The following NOX4 variants were observed in gnomAD, a reference collection of about 807,000 sequenced individuals.
NOX4 encodes the protein NADPH oxidase 4.
NOX4 carries 69 observed loss-of-function variants against 87.6 expected under a neutral mutation model. That is an observed-to-expected ratio of 0.79 (90% confidence interval 0.65 to 0.96). The LOEUF (loss-of-function observed/expected upper bound fraction) is 0.96, where lower values mean the gene tolerates loss of function less well. NOX4 is among the 40% of genes least tolerant of loss of function. The pLI is 0.00. For missense variants in NOX4, 680 were observed against 681.5 expected, an observed-to-expected ratio of 1.00 and a Z score of 0.02; for synonymous variants, 275 against 238.2, an observed-to-expected ratio of 1.15 and a Z score of -1.42.
At chr11:89,466,511 T>C (rs1185068601) in intron 2 of NOX4, among the ~76,000 whole-genome samples, 1 of 152,200 alleles carries the variant, frequency 6.6e-6, no homozygotes, top group Admixed American at 6.5e-5. Flanking sequence ...GATCACATCC[T>C]TTCACTAAAC....
At chr11:89,482,097 G>C (rs546761817) in intron 2 of NOX4, among the ~76,000 whole-genome samples, 1 of 152,094 alleles carries the variant, frequency 6.6e-6, no homozygotes, top group East Asian at 1.9e-4. Context: ...GGGAATAAAG[G>C]GTTGTGTAAG....
intron 1 of NOX4, 76 bp downstream of exon 1, chr11:89,491,114 C>G (rs1946833587): frequency 1.1e-5 from 15 of 1,388,098 alleles, no homozygotes; most frequent in Admixed American, 1.8e-5. Context: ...GCTTCCCACC[C>G]GTGCACGCTC....
chr11:89,392,081 C>T (rs1361603451), intron 11 of NOX4, among the ~76,000 whole-genome samples: 1 of 151,994 alleles, frequency 6.6e-6, no homozygotes, highest in Non-Finnish European at 1.5e-5. Context: ...CAATAACCTG[C>T]TTTACTACAA....
Position 89,381,879 on chromosome 11 carries a change from T to A in NOX4, c.1075-8387A>T, listed in dbSNP as rs148258426. ...CACTATCCTTCAACCTCTTTCTCCT[T>A]TCAATCTTGGTGCCACCCTTGGGTC... is the stretch of plus-strand genomic sequence containing the variant. On this transcript the variant is annotated intron_variant, in intron 11 of 17. Transcript: ENST00000263317. 2.5e-3 allele frequency among the ~76,000 whole-genome samples: 374 copies of A among 152,296 alleles called. 2 individuals carry two copies. The highest frequency in any genetic ancestry group is 7.0e-3 in the African/African-American group (293 of 41,574).
intron 8 of NOX4, among the ~76,000 whole-genome samples, chr11:89,405,080 T>TTGTTTGTGTGTGTGTGTGTG (rs1555016969): frequency 7.5e-6 from 1 of 133,192 alleles, no homozygotes; most frequent in Non-Finnish European, 1.6e-5. Flanking sequence ...AAAAGTCAGA[T>TTGTTTGTGTGTGTGTGTGTG]TGTGTGTGTG....
chr11:89,398,023 T>C (rs1316222235), intron 11 of NOX4, among the ~76,000 whole-genome samples: 2 of 151,930 alleles, frequency 1.3e-5, no homozygotes, highest in Non-Finnish European at 2.9e-5. Flanking sequence ...ATAAAGAGAA[T>C]TGTAGACCAA....
At chr11:89,328,127 G>C (rs1383301833) in intron 17 of NOX4, among the ~76,000 whole-genome samples, 3 of 152,156 alleles carry the variant, frequency 2.0e-5, no homozygotes, top group Admixed American at 6.6e-5. Context: ...GCTGGAATTT[G>C]TGGAGCAGAA....
chr11:89,368,654 AG>A (rs982287330), intron 12 of NOX4, among the ~76,000 whole-genome samples: 1 of 152,098 alleles, frequency 6.6e-6, no homozygotes, highest in Non-Finnish European at 1.5e-5. Flanking sequence ...ATCACCTAAA[AG>A]TCCTACCTCT....
In NOX4 at chr11:89,384,919, TTTC is replaced by T. The variant is rs568648367; in HGVS notation, c.1075-11430_1075-11428del. Among the ~76,000 whole-genome samples, 187 of 152,286 alleles carry T rather than the reference TTTC, an allele frequency of 1.2e-3. 3 individuals are homozygous for T. The highest frequency in any genetic ancestry group is 0.011 in the South Asian group (54 of 4,818). On this transcript the variant is annotated intron_variant, in intron 11 of 17. Coordinates refer to ENST00000263317, the MANE Select transcript of NOX4 (RefSeq NM_016931.5). ...TGACATTCACTCCATTTCCCCATAT[TTTC>T]TTCTTTCCTCTTCCTCACGCTGATC...
At chr11:89,410,283 T>C (rs1454370439) in intron 8 of NOX4, among the ~76,000 whole-genome samples, 1 of 152,154 alleles carries the variant, frequency 6.6e-6, no homozygotes, top group East Asian at 1.9e-4. Context: ...AGTTACAAAA[T>C]GACAGTCCAA....
At chr11:89,422,904 A>G (rs777650627) in intron 7 of NOX4, among the ~76,000 whole-genome samples, 7 of 146,012 alleles carry the variant, frequency 4.8e-5, no homozygotes, top group African/African-American at 7.7e-5. Flanking sequence ...GTTTCAAGTG[A>G]TTCTCCTGCC....
intron 13 of NOX4, among the ~76,000 whole-genome samples, chr11:89,352,215 C>T (rs544941837): frequency 6.6e-6 from 1 of 152,254 alleles, no homozygotes; most frequent in Admixed American, 6.5e-5. Context: ...GGCTACTACA[C>T]AATCTATCCA....
intron 7 of NOX4, among the ~76,000 whole-genome samples, chr11:89,428,162 C>A (rs1943552335): frequency 6.6e-6 from 1 of 152,140 alleles, no homozygotes; most frequent in South Asian, 2.1e-4. Context: ...TACAGACAAG[C>A]AAATGCTGAG....
At chr11:89,566,444 T>A in the NOX4 span, among the ~76,000 whole-genome samples, 2 of 152,358 alleles carry the variant, frequency 1.3e-5, no homozygotes, top group East Asian at 3.9e-4. Context: ...TTTTCTATTC[T>A]CTAGGAGGTT....
chr11:89,438,613 A>T (rs1437134005), intron 6 of NOX4, among the ~76,000 whole-genome samples: 2 of 84,962 alleles, frequency 2.4e-5, no homozygotes, highest in African/African-American at 9.6e-5. Context: ...TATATATAAT[A>T]TATAGTATAT....
Position 89,490,508 on chromosome 11 carries a change from A to C in NOX4, c.103T>G (p.Leu35Val), listed in dbSNP as rs1303532936. Residue 35 changes from leucine (L) to valine (V), a missense_variant, in exon 2 of 18, where the codon TTG (leucine) becomes GTG (valine). By Grantham distance (32) the Leu-to-Val change is conservative. Coordinates refer to ENST00000263317, the MANE Select transcript of NOX4 (RefSeq NM_016931.5). ...MNVLLFWKTF[L>V]LYNQGPEYHY... ...TACTCTGGCCCTTGGTTATACAGCA[A>C]GAAGGTTTTCCAGAAAAGCAGGACA... 1 of 1,614,110 alleles carries C rather than the reference A, an allele frequency of 6.2e-7. No homozygotes were observed. The highest frequency in any genetic ancestry group is 1.1e-5 in the South Asian group (1 of 91,078).
At chr11:89,474,838 T>C (rs949467215) in intron 2 of NOX4, among the ~76,000 whole-genome samples, 4 of 151,962 alleles carry the variant, frequency 2.6e-5, no homozygotes, top group Admixed American at 6.6e-5. Flanking sequence ...ATTCAATGGA[T>C]AAATAAGCCG....
intron 2 of NOX4, among the ~76,000 whole-genome samples, chr11:89,478,914 A>T (rs1946277144): frequency 1.3e-5 from 2 of 152,086 alleles, no homozygotes; most frequent in Admixed American, 1.3e-4. Flanking sequence ...ACTTGAGCCA[A>T]GGAGTTTAAG....
chr11:89,414,280 T>C (rs1462882310), intron 8 of NOX4, among the ~76,000 whole-genome samples: 1 of 152,058 alleles, frequency 6.6e-6, no homozygotes, highest in Non-Finnish European at 1.5e-5. Flanking sequence ...GTATTTACTT[T>C]GGAATTCCAT....
Sources: allele counts gnomAD v4.1 joint callset (sites outside exome capture counted in the v4.1 genomes callset), GRCh38; gene constraint gnomAD v4.1.1; transcripts MANE v1.5; gene names NCBI Gene and HGNC (gene_info 2026-07-23, HGNC 2026-07-21).